Variants in VEGFC observed in about 807,000 individuals in gnomAD.
VEGFC encodes the protein vascular endothelial growth factor C, also known as FLT4 ligand DHM.
A neutral mutation model predicts 46.1 loss-of-function variants in VEGFC; 12 were observed. That is an observed-to-expected ratio of 0.26 (90% CI 0.17 to 0.42). The LOEUF is 0.42. Ranked by LOEUF, VEGFC falls within the 10% of genes least tolerant of loss-of-function variation. The pLI, the probability that VEGFC is intolerant of heterozygous loss-of-function variation, is 1.00. For missense variants in VEGFC, 488 were observed against 529.4 expected (o/e 0.92, Z 0.77); for synonymous variants, 232 against 195.5 (o/e 1.19, Z -1.56).
At chr4:176,767,888 G>C (rs968885052) in intron 1 of VEGFC, among the ~76,000 whole-genome samples, 1 of 152,144 alleles carries the variant, frequency 6.6e-6, no homozygotes, top group African/African-American at 2.4e-5. Flanking sequence ...TGATCCAAGT[G>C]GAAGACGATG....
intron 3 of VEGFC, among the ~76,000 whole-genome samples, chr4:176,717,039 GTATC>G (rs1579103158): frequency 6.6e-6 from 1 of 152,074 alleles, no homozygotes. Flanking sequence ...AACTGATAAT[GTATC>G]TATTATAATT....
At chr4:176,690,359 T>G (rs1029165646) in intron 4 of VEGFC, among the ~76,000 whole-genome samples, 1 of 152,064 alleles carries the variant, frequency 6.6e-6, no homozygotes, top group African/African-American at 2.4e-5. Context: ...TGGTTTATGT[T>G]TTCAGGGTAT....
intron 4 of VEGFC, among the ~76,000 whole-genome samples, chr4:176,704,530 T>G (rs1373983884): frequency 6.6e-6 from 1 of 152,098 alleles, no homozygotes; most frequent in East Asian, 1.9e-4. Context: ...ATATGCTTTC[T>G]TGTATTTCAA....
intron 3 of VEGFC, among the ~76,000 whole-genome samples, chr4:176,720,199 T>C (rs1421171711): frequency 6.6e-6 from 1 of 152,184 alleles, no homozygotes; most frequent in Non-Finnish European, 1.5e-5. Context: ...TTGGTACTGA[T>C]GTTTGCTCTT....
At chr4:176,694,243 T>C (rs1436781541) in intron 4 of VEGFC, among the ~76,000 whole-genome samples, 1 of 150,390 alleles carries the variant, frequency 6.6e-6, no homozygotes, top group Non-Finnish European at 1.5e-5. Context: ...CCATCTCACG[T>C]GCAGAGACAC....
In VEGFC at chr4:176,687,312, C is replaced by T. The variant is rs1287593818; in HGVS notation, c.1020G>A (p.Gln340=). The T allele has an allele frequency of 1.9e-6, 3 of 1,614,022 alleles. No individual in the cohort carries two copies. Among genetic ancestry groups the T allele is most frequent in the South Asian group, 2.2e-5 (2 of 91,080 alleles). The change falls in exon 6 of 7, where the codon CAG becomes CAA. Residue 340 remains glutamine (Q), a synonymous_variant. Transcript: ENST00000618562. ...TGGGGCAGGTTCTTTTACATACACA[C>T]TGGCATGTGTTTTCATCAAATTCTC... ...ANREFDENTC[Q]CVCKRTCPRN...
intron 2 of VEGFC, among the ~76,000 whole-genome samples, chr4:176,728,207 A>G (rs1734905035): frequency 6.6e-6 from 1 of 152,216 alleles, no homozygotes; most frequent in East Asian, 1.9e-4. Flanking sequence ...AAGAAAAATT[A>G]GCATTATGCT....
chr4:176,761,120 G>T (rs1735523380), intron 1 of VEGFC, among the ~76,000 whole-genome samples: 1 of 152,132 alleles, frequency 6.6e-6, no homozygotes, highest in Middle Eastern at 3.2e-3. Flanking sequence ...TATGATTATA[G>T]ATCCTATACA....
chr4:176,736,739 AT>A (rs1196079819), intron 1 of VEGFC, among the ~76,000 whole-genome samples: 5 of 151,768 alleles, frequency 3.3e-5, no homozygotes, highest in Admixed American at 6.6e-5. Context: ...AGTAAAATTA[AT>A]TTTGCATAAT....
intron 1 of VEGFC, among the ~76,000 whole-genome samples, chr4:176,752,444 G>T (rs561071647): frequency 6.6e-6 from 1 of 152,096 alleles, no homozygotes; most frequent in East Asian, 1.9e-4. Flanking sequence ...ACGTTCTAAG[G>T]TTACTGCCAA....
At chr4:176,735,184 G>A (rs1560949906) in intron 1 of VEGFC, among the ~76,000 whole-genome samples, 1 of 151,740 alleles carries the variant, frequency 6.6e-6, no homozygotes, top group Non-Finnish European at 1.5e-5. Context: ...AAATCCCCAT[G>A]TTCTATTATA....
At chr4:176,739,059 A>G (rs1212364321) in intron 1 of VEGFC, among the ~76,000 whole-genome samples, 2 of 151,866 alleles carry the variant, frequency 1.3e-5, no homozygotes, top group Admixed American at 6.6e-5. Context: ...TAAAAGCTCA[A>G]TATCACTGAT....
At chr4:176,759,024 C>T (rs929760199) in intron 1 of VEGFC, among the ~76,000 whole-genome samples, 3 of 152,048 alleles carry the variant, frequency 2.0e-5, no homozygotes, top group African/African-American at 7.2e-5. Flanking sequence ...TTTTAAATGC[C>T]CTAAGAGAGT....
At position 176,792,193 on chromosome 4, in the gene VEGFC, T is replaced by C; in HGVS notation, c.119A>G (p.Asp40Gly). ...GGCCTCGCCCGCGTCGGGCTCCGCG[T>C]CCGAGAGGTCGAGTCCGGACTCGAA... The part of the protein sequence containing the change: ...AAFESGLDLS[D>G]AEPDAGEATA... Residue 40 changes from aspartate to glycine, a missense_variant, in exon 1 of 7, where the codon GAC becomes GGC. By Grantham distance (94) the Asp-to-Gly change is moderately conservative. Transcript: ENST00000618562. This position sits in a 1 kb window ranked among gnomAD's most constrained non-coding sequence, Gnocchi z 6.3. 1 of 1,538,294 alleles carries C rather than the reference T, an allele frequency of 6.5e-7. No individual in the cohort carries two copies. Among genetic ancestry groups the C allele is most frequent in the Non-Finnish European group, 8.7e-7 (1 of 1,146,880 alleles).
intron 1 of VEGFC, among the ~76,000 whole-genome samples, chr4:176,768,158 G>C (rs908406311): frequency 6.6e-6 from 1 of 152,114 alleles, no homozygotes; most frequent in African/African-American, 2.4e-5. Context: ...GTTTAAATTT[G>C]AAGTGTCTGT....
chr4:176,712,754 T>G (rs1017946362), intron 3 of VEGFC, among the ~76,000 whole-genome samples: 4 of 152,228 alleles, frequency 2.6e-5, no homozygotes, highest in African/African-American at 7.2e-5. Flanking sequence ...ATTTTGTCCA[T>G]GCCAACAAGG....
chr4:176,752,904 T>C (rs1293431782), intron 1 of VEGFC, among the ~76,000 whole-genome samples: 1 of 152,030 alleles, frequency 6.6e-6, no homozygotes, highest in African/African-American at 2.4e-5. Flanking sequence ...ACAGTACCTA[T>C]AATCAGATGT....
intron 2 of VEGFC, among the ~76,000 whole-genome samples, chr4:176,728,446 C>T (rs151205245): frequency 8.7e-4 from 132 of 152,250 alleles, no homozygotes; most frequent in African/African-American, 3.0e-3. Context: ...TCAAGTCAAA[C>T]GTCCTTTTCA....
rs527388090 is a variant in VEGFC at position 176,758,610 on chromosome 4, C to T, written c.148-28864G>A. 1.5e-3 allele frequency among the ~76,000 whole-genome samples: 229 copies of T among 152,232 alleles called. 1 individual carries two copies. Among genetic ancestry groups the T allele is most frequent in the South Asian group, 4.1e-3 (20 of 4,824 alleles). ...AATAAGTAGCTTCCCAAATCGACAG[C>T]TTTCTGACTTGCTGCATTTCTTGCT... On this transcript the variant is annotated intron_variant, in intron 1 of 6. Coordinates refer to ENST00000618562, the MANE Select transcript of VEGFC (RefSeq NM_005429.5).
Sources: gnomAD v4.1 joint callset for allele counts (sites outside exome capture counted in the v4.1 genomes callset) on GRCh38, gnomAD v4.1.1 for gene constraint, Gnocchi (gnomAD v3.1) non-coding constraint, MANE v1.5 for transcripts, NCBI Gene and HGNC (gene_info 2026-07-23, HGNC 2026-07-21) for gene names.